Variants in PPP1R10 observed in about 807,000 individuals in gnomAD.
PPP1R10 encodes serine/threonine-protein phosphatase 1 regulatory subunit 10.
Under a neutral mutation model 99.0 loss-of-function variants are expected in PPP1R10, and 15 were observed. The ratio of observed to expected loss-of-function variants is 0.15; its 90% CI spans 0.10 to 0.23. The LOEUF is 0.23. Ranked by LOEUF, PPP1R10 falls within the 10% of genes least tolerant of loss-of-function variation. The pLI, the probability that PPP1R10 is intolerant of heterozygous loss-of-function variation, is 1.00. For synonymous variants in PPP1R10, 430 were observed against 449.5 expected (o/e 0.96, Z 0.55); for missense variants, 947 against 1,259.4 (o/e 0.75, Z 3.75).
Position 30,606,003 on chromosome 6 carries a change from G to C in PPP1R10, c.773C>G (p.Pro258Arg). ...GAGTGGCTTGTATTTCTTCTCTGCA[G>C]GGGGAGTGGCATCTCCTGGAGCAGC... ...NVAAPGDATP[P>R]AEKKYKPLNT... Residue 258 changes from proline to arginine, a missense_variant, in exon 10 of 20, where the codon CCT becomes CGT. Transcript: ENST00000376511. This position sits in a 1 kb window ranked among gnomAD's most constrained non-coding sequence, Gnocchi z 6.3. The C allele has an allele frequency of 6.2e-7, 1 of 1,614,050 alleles. No homozygotes were observed. Among genetic ancestry groups the C allele is most frequent in the Middle Eastern group, 1.6e-4 (1 of 6,062 alleles).
At position 30,604,887 on chromosome 6, in the gene PPP1R10, G is replaced by A; in HGVS notation, c.954+107C>T. On this transcript the variant is annotated intron_variant, in intron 11 of 19. Transcript: ENST00000376511. This position sits in a 1 kb window ranked among gnomAD's most constrained non-coding sequence, Gnocchi z 7.3. ...TCACCTGCACCAGTCTATATCCAAG[G>A]CAAAACGCCTCTTGTTGTCCTCCCC... The A allele has an allele frequency of 6.6e-7, 1 of 1,505,842 alleles. No individual in the cohort carries two copies. The highest frequency in any genetic ancestry group is 9.2e-7 in the Non-Finnish European group (1 of 1,084,296). The allele number at this position is 1,505,842 out of a possible 1,614,324, so 93.3% of individuals were successfully genotyped here.
chr6:30,615,517 C>T (rs1034066577), intron 2 of PPP1R10, among the ~76,000 whole-genome samples: 4 of 152,070 alleles, frequency 2.6e-5, no homozygotes, highest in African/African-American at 4.8e-5. Context: ...CCTGCAACGC[C>T]GCTTGGAAGA....
chr6:30,614,328 G>C (rs896080056), intron 2 of PPP1R10, among the ~76,000 whole-genome samples: 1 of 151,920 alleles, frequency 6.6e-6, no homozygotes, highest in Admixed American at 6.6e-5. Flanking sequence ...GTTGTGAAAT[G>C]TAATACCAGA....
In PPP1R10 at chr6:30,601,594, G is replaced by A. The variant is rs745665955; in HGVS notation, c.2778C>T (p.Asn926=). The change falls in exon 20 of 20, where the codon AAC becomes AAT. Residue 926 remains asparagine (N), a synonymous_variant. Coordinates refer to ENST00000376511, the MANE Select transcript of PPP1R10 (RefSeq NM_002714.4). ...MMKGNCRYEN[N]CAFYHPGVNG... is the part of the protein sequence containing the mutation. ...TGACACCCGGGTGGTAGAAGGCACA[G>A]TTGTTCTCATAGCGGCAGTTGCCCT... 3 of 1,614,132 alleles carry A rather than the reference G, an allele frequency of 1.9e-6. No individual in the cohort carries two copies. The highest frequency in any genetic ancestry group is 2.5e-6 in the Non-Finnish European group (3 of 1,180,008).
At chr6:30,601,801 C>T in intron 19 of PPP1R10, 135 bp downstream of exon 19, 4 of 1,307,020 alleles carry the variant, frequency 3.1e-6, no homozygotes, top group Non-Finnish European at 4.2e-6. Flanking sequence ...GTAGGAACTG[C>T]TATGCATACT....
At chr6:30,603,099 C>T in intron 17 of PPP1R10, 111 bp downstream of exon 17, 2 of 1,453,210 alleles carry the variant, frequency 1.4e-6, no homozygotes, top group Non-Finnish European at 1.9e-6. Context: ...CCTCCCATTT[C>T]TTGCCTAGTG....
At chr6:30,617,189 T>C (rs898706737) in intron 1 of PPP1R10, 35 bp downstream of exon 1, 1 of 153,208 alleles carries the variant, frequency 6.5e-6, no homozygotes, top group African/African-American at 2.4e-5. Context: ...CTCCGCAAAA[T>C]TTTACCCACT....
At position 30,601,421 on chromosome 6, in the gene PPP1R10, G is replaced by C. The variant is rs186731888; in HGVS notation, c.*128C>G. On this transcript the variant is annotated 3_prime_UTR_variant, in exon 20 of 20. Transcript: ENST00000376511. ...AACCCCCAGGAACCCAAGCAAGTGG[G>C]AACTGAGGGGGCCGGCTCCTCATCA... 13 of 726,850 alleles carry C rather than the reference G, an allele frequency of 1.8e-5. No individual in the cohort carries two copies. The Admixed American group carries it at 3.5e-4, about 20-fold the overall frequency. 45.0% of individuals were successfully genotyped at this position (726,850 alleles called of 1,614,324 possible). A position where few individuals can be genotyped will look rare whatever the true frequency, so the allele number is the denominator to read the frequency against.
chr6:30,603,061 G>A (rs1803538557), intron 17 of PPP1R10, 102 bp from the exon 18 acceptor site: 1 of 1,366,294 alleles, frequency 7.3e-7, no homozygotes. Context: ...CAACCTGGCA[G>A]AGCAATGCTC....
rs1473059560 is a variant in PPP1R10 at position 30,604,898 on chromosome 6, CTT to C, written c.954+94_954+95del. 4.6e-6 allele frequency: 7 copies of C among 1,514,692 alleles called. No homozygotes were observed. The highest frequency in any genetic ancestry group is 1.1e-5 in the South Asian group (1 of 88,916). The allele number at this position is 1,514,692 out of a possible 1,614,324, so 93.8% of individuals were successfully genotyped here. On this transcript the variant is annotated intron_variant, in intron 11 of 19. Transcript: ENST00000376511. The surrounding 1 kb of genome is among the most constrained non-coding windows in gnomAD (Gnocchi z 7.3). ...AGTCTATATCCAAGGCAAAACGCCT[CTT>C]GTTGTCCTCCCCGACAACTCCTAGC...
At position 30,602,054 on chromosome 6, in the gene PPP1R10, A is replaced by G; in HGVS notation, c.2595T>C (p.Pro865=). ...CTCGATGGTCATGGCCTCGGTGACC[A>G]GGGACATCATGAGGCCGGTGGCCAT... ...GPHGHRPHDV[P]GHRGHDHRGP... The change falls in exon 19 of 20, where the codon CCT becomes CCC. Residue 865 remains proline, a synonymous_variant. Coordinates refer to ENST00000376511, the MANE Select transcript of PPP1R10 (RefSeq NM_002714.4). The surrounding 1 kb of genome is among the most constrained non-coding windows in gnomAD (Gnocchi z 6.7). 6.4e-7 allele frequency: 1 copy of G among 1,561,450 alleles called. No homozygotes were observed. The highest frequency in any genetic ancestry group is 8.7e-7 in the Non-Finnish European group (1 of 1,150,014).
chr6:30,616,177 T>C (rs530022181), intron 2 of PPP1R10, among the ~76,000 whole-genome samples: 5 of 152,352 alleles, frequency 3.3e-5, no homozygotes, highest in African/African-American at 1.2e-4. Flanking sequence ...CATATGGCTT[T>C]GGCAGTCTGG....
In PPP1R10 at chr6:30,602,490, G is replaced by C. The variant is rs530229145; in HGVS notation, c.2159C>G (p.Pro720Arg). ...RGGNEPPPPP[P>R]PFRGARGGRS... ...ACCTCCTCTGGCGCCTCGGAATGGA[G>C]GAGGAGGAGGAGGAGGTTCGTTTCC... The change falls in exon 19 of 20, where the codon CCT becomes CGT. Residue 720 changes from proline to arginine, a missense_variant. Coordinates refer to ENST00000376511, the MANE Select transcript of PPP1R10 (RefSeq NM_002714.4). The surrounding 1 kb of genome is among the most constrained non-coding windows in gnomAD (Gnocchi z 6.7). 1 of 1,575,240 alleles carries C rather than the reference G, an allele frequency of 6.3e-7. No individual in the cohort carries two copies. The highest frequency in any genetic ancestry group is 8.6e-7 in the Non-Finnish European group (1 of 1,158,372).
At chr6:30,616,100 A>C (rs1295102210) in intron 2 of PPP1R10, among the ~76,000 whole-genome samples, 6 of 152,154 alleles carry the variant, frequency 3.9e-5, no homozygotes. Flanking sequence ...CTTGTATGTG[A>C]GCTCATTAAC....
chr6:30,615,707 A>G (rs1326343976), intron 2 of PPP1R10, among the ~76,000 whole-genome samples: 6 of 152,218 alleles, frequency 3.9e-5, no homozygotes, highest in Admixed American at 2.0e-4. Context: ...CCACCAAAAA[A>G]TATCAAGTTA....
At position 30,604,437 on chromosome 6, in the gene PPP1R10, C is replaced by T; in HGVS notation, c.1177G>A (p.Gly393Ser). 3 of 1,613,366 alleles carry T rather than the reference C, an allele frequency of 1.9e-6. No individual in the cohort carries two copies. Among genetic ancestry groups the T allele is most frequent in the South Asian group, 1.1e-5 (1 of 91,082 alleles). Residue 393 changes from glycine (G) to serine (S), a missense_variant, in exon 13 of 20, where the codon GGC becomes AGC. By Grantham distance (56) the Gly-to-Ser change is moderately conservative. Around this residue, in one of 10 missense-constraint regions of PPP1R10, gnomAD observed 100 missense variants for 105.8 expected, o/e 0.94. Transcript: ENST00000376511. This position sits in a 1 kb window ranked among gnomAD's most constrained non-coding sequence, Gnocchi z 7.3. ...CATGTCACACTTTTCCTCTTCCTGCCTTTCCGGGTCAGTTGGTTAGGATCT... is the reference window on the plus strand; with the variant it reads ...CATGTCACACTTTTCCTCTTCCTGCTTTTCCGGGTCAGTTGGTTAGGATCT... ...PGDPNQLTRKGRKRKSVTWPE... is the reference protein window; with the variant it reads ...PGDPNQLTRKSRKRKSVTWPE...
chr6:30,607,014 C>A (rs977139813), intron 6 of PPP1R10, among the ~76,000 whole-genome samples, 158 bp from the exon 7 acceptor site: 1 of 152,170 alleles, frequency 6.6e-6, no homozygotes, highest in African/African-American at 2.4e-5. Context: ...AAAAACCAAA[C>A]CCTTAAAAAA....
Position 30,602,146 on chromosome 6 carries a change from G to A in PPP1R10, c.2503C>T (p.Pro835Ser), listed in dbSNP as rs2127435250. 1 of 1,609,954 alleles carries A rather than the reference G, an allele frequency of 6.2e-7. No individual in the cohort carries two copies. The highest frequency in any genetic ancestry group is 1.7e-4 in the Middle Eastern group (1 of 6,042). The change falls in exon 19 of 20, where the codon CCT (proline) becomes TCT (serine). Residue 835 changes from proline (P) to serine (S), a missense_variant. Physicochemically the swap from Pro to Ser is moderately conservative, Grantham distance 74. Around this residue, in one of 10 missense-constraint regions of PPP1R10, gnomAD observed 525 missense variants for 578.8 expected, o/e 0.91. Transcript: ENST00000376511. This position sits in a 1 kb window ranked among gnomAD's most constrained non-coding sequence, Gnocchi z 6.7. ...AGGGHRPHEG[P>S]GGSMGGSGGH... ...CCACTTCCACCCATGCTTCCGCCAG[G>A]GCCTTCGTGGGGGCGATGTCCACCA...
Position 30,608,824 on chromosome 6 carries a change from T to C in PPP1R10, c.285A>G (p.Leu95=), listed in dbSNP as rs34208587. 1,906 of 1,614,054 alleles carry C rather than the reference T, an allele frequency of 1.2e-3. 11 individuals carry two copies. The African/African-American group carries it at 0.018, about 15-fold the overall frequency. ...TNNIPLLQQI[L]LTLQHLPLTV... ...TGAGCGGTAGATGCTGCAGGGTCAG[T>C]AGAATTTGCTGGAGGAGGGGAATGT... The change falls in exon 5 of 20, where the codon CTA becomes CTG. Residue 95 remains leucine (L), a synonymous_variant. Coordinates refer to ENST00000376511, the MANE Select transcript of PPP1R10 (RefSeq NM_002714.4).
Sources: gnomAD v4.1 joint callset for allele counts (sites outside exome capture counted in the v4.1 genomes callset) on GRCh38, gnomAD v4.1.1 for gene constraint, gnomAD v4.1.1 regional missense constraint, Gnocchi (gnomAD v3.1) non-coding constraint, MANE v1.5 for transcripts, NCBI Gene and HGNC (gene_info 2026-07-23, HGNC 2026-07-21) for gene names.